TSC2: variants seen among roughly 807,000 people sequenced by gnomAD.
TSC2 encodes tuberin.
A neutral mutation model predicts 202.2 loss-of-function variants in TSC2; 29 were observed. That is an observed-to-expected ratio of 0.14 (90% CI 0.11 to 0.20). The LOEUF is 0.20. Among genes scored for constraint, TSC2 ranks in the 10% least tolerant of loss-of-function variants. The pLI, the probability that TSC2 is intolerant of heterozygous loss-of-function variation, is 1.00. For missense variants in TSC2, 2,429 were observed against 2,420.0 expected (o/e 1.00, Z -0.08); for synonymous variants, 1,349 against 1,044.0 (o/e 1.29, Z -5.63).
intron 31 of TSC2, 73 bp downstream of exon 31, chr16:2,081,871 C>T (rs1296757928): frequency 4.5e-6 from 7 of 1,561,682 alleles, no homozygotes; most frequent in Non-Finnish European, 6.1e-6. Context: ...GGCAATGTGG[C>T]TCCTCTCTGC....
chr16:2,082,429 C>T lies in TSC2; in HGVS notation c.3815-7C>T. On this transcript the variant is annotated splice_polypyrimidine_tract_variant and splice_region_variant and intron_variant, in intron 31 of 41. Coordinates refer to ENST00000219476, the MANE Select transcript of TSC2 (RefSeq NM_000548.5). ...CTGACGTGGCCGCACACGGCCTTCC[C>T]TTGCAGTGGCCTCTTTCTCCTCCCT... 6 of 1,612,548 alleles carry T rather than the reference C, an allele frequency of 3.7e-6. No homozygotes were observed. The highest frequency in any genetic ancestry group is 5.1e-6 in the Non-Finnish European group (6 of 1,180,004).
Position 2,080,142 on chromosome 16 carries a change from C to T in TSC2, c.3398-23C>T, listed in dbSNP as rs761931660. The T allele has an allele frequency of 1.1e-5, 17 of 1,612,494 alleles. No homozygotes were observed. In the East Asian group the frequency reaches 1.8e-4, roughly 17 times the overall value. On this transcript the variant is annotated intron_variant, in intron 29 of 41. Coordinates refer to ENST00000219476, the MANE Select transcript of TSC2 (RefSeq NM_000548.5). Reference sequence around the variant, plus strand: ...TTTGCATCAGGTAAGTGGTGGTCACCAGTCCTCTGCCCTCTTCTTCAGGGG... The same window carrying T: ...TTTGCATCAGGTAAGTGGTGGTCACTAGTCCTCTGCCCTCTTCTTCAGGGG...
Position 2,088,861 on chromosome 16 carries a change from ACACTCGCGCGTG to A in TSC2, c.*253_*264del, listed in dbSNP as rs1418488339. 32 of 552,060 alleles carry A rather than the reference ACACTCGCGCGTG, an allele frequency of 5.8e-5. No homozygotes were observed. The highest frequency in any genetic ancestry group is 9.6e-5 in the Non-Finnish European group (30 of 311,834). The allele number at this position is 552,060 out of a possible 1,614,324, so 34.2% of individuals were successfully genotyped here. A position where few individuals can be genotyped will look rare whatever the true frequency, so the allele number is the denominator to read the frequency against. Reference sequence around the variant, plus strand: ...CTTGAGGCTGCCTGGGCCATACAGCACACTCGCGCGTGCGCGCGCGCACACACACACACACAC... The same window carrying A: ...CTTGAGGCTGCCTGGGCCATACAGCACGCGCGCGCACACACACACACACAC... On this transcript the variant is annotated 3_prime_UTR_variant, in exon 42 of 42. Coordinates refer to ENST00000219476, the MANE Select transcript of TSC2 (RefSeq NM_000548.5).
rs1425163522 is a variant in TSC2 at position 2,048,704 on chromosome 16, C to T, written c.89C>T (p.Ser30Phe). The change falls in exon 2 of 42, where the codon TCT (serine) becomes TTT (phenylalanine). Residue 30 changes from serine to phenylalanine, a missense_variant. By Grantham distance (155) the Ser-to-Phe change is radical. Transcript: ENST00000219476. ...GGAACACCGAGGCCAAATCCCAGGT[C>T]TGCAGAGGGTAAACAGACGGAGTTT... ...GLGTPRPNPR[S>F]AEGKQTEFII... 1 of 1,614,066 alleles carries T rather than the reference C, an allele frequency of 6.2e-7. No homozygotes were observed. The highest frequency in any genetic ancestry group is 2.2e-5 in the East Asian group (1 of 44,884).
At chr16:2,063,561 G>A (rs776528777) in intron 14 of TSC2, 5 of 253,656 alleles carry the variant, frequency 2.0e-5, no homozygotes, top group South Asian at 9.4e-5. Context: ...CCCAGGAGGC[G>A]CAGCTTAGGC....
chr16:2,064,042 G>A (rs2086974074), intron 14 of TSC2: 10 of 639,608 alleles, frequency 1.6e-5, no homozygotes, highest in South Asian at 8.7e-5. Context: ...GTGCCCGGCC[G>A]CCCTGCGGTG....
intron 20 of TSC2, chr16:2,072,621 T>C: frequency 2.4e-6 from 2 of 817,668 alleles, no homozygotes; most frequent in South Asian, 1.8e-5. Context: ...CATCTGTGCT[T>C]TTCCTAAGTG....
chr16:2,083,298 T>A (rs1455481994), intron 32 of TSC2: 1 of 457,288 alleles, frequency 2.2e-6, no homozygotes. Context: ...AAACAGGGAC[T>A]TCCCCCACGT....
At chr16:2,070,969 GA>G (rs2088250631) in intron 17 of TSC2, among the ~76,000 whole-genome samples, 1 of 151,240 alleles carries the variant, frequency 6.6e-6, no homozygotes, top group African/African-American at 2.5e-5. Context: ...GGCAGGGCTG[GA>G]GAGGGCAGAG....
intron 37 of TSC2, among the ~76,000 whole-genome samples, 168 bp downstream of exon 37, chr16:2,086,547 G>A (rs935207303): frequency 1.3e-5 from 2 of 152,214 alleles, no homozygotes; most frequent in South Asian, 2.1e-4. Context: ...GCAGTGATGG[G>A]GCTGGTGGCT....
At chr16:2,081,221 G>T in intron 30 of TSC2, 1 of 366,212 alleles carries the variant, frequency 2.7e-6, no homozygotes, top group Non-Finnish European at 5.3e-6. Flanking sequence ...CCCCCGCAGA[G>T]GCCCAGAGCC....
At chr16:2,062,809 G>C in intron 13 of TSC2, 163 bp from the exon 14 acceptor site, 1 of 939,816 alleles carries the variant, frequency 1.1e-6, no homozygotes, top group Non-Finnish European at 1.6e-6. Flanking sequence ...CCCTCTTTTC[G>C]GGGGTCGTCT....
rs1485259586 is a variant in TSC2 at position 2,058,139 on chromosome 16, C to T, written c.849-608C>T. On this transcript the variant is annotated intron_variant, in intron 9 of 41. Coordinates refer to ENST00000219476, the MANE Select transcript of TSC2 (RefSeq NM_000548.5). ...GCCCTGCCTCAGCCCCTGCATCTCT[C>T]CCTCCCTCCTCCCGTAGAACCAGGC... Among the ~76,000 whole-genome samples the T allele has an allele frequency of 4.0e-5, 6 of 150,038 alleles. No individual in the cohort carries two copies. In the East Asian group the frequency reaches 1.2e-3, roughly 31 times the overall value.
In TSC2 at chr16:2,088,881, G is replaced by GCGCACACACACACACA. The variant is rs142285430; in HGVS notation, c.*272_*273insGCACACACACACACAC. ...ACAGCACACTCGCGCGTGCGCGCGCGCACACACACACACACACAGTCACCT... is the reference window on the plus strand; with the variant it reads ...ACAGCACACTCGCGCGTGCGCGCGCGCGCACACACACACACACACACACACACACACACAGTCACCT... On this transcript the variant is annotated 3_prime_UTR_variant, in exon 42 of 42. Transcript: ENST00000219476. 5 of 421,378 alleles carry GCGCACACACACACACA rather than the reference G, an allele frequency of 1.2e-5. No homozygotes were observed. The highest frequency in any genetic ancestry group is 6.7e-5 in the African/African-American group (3 of 44,578). 26.1% of individuals were successfully genotyped at this position (421,378 alleles called of 1,614,324 possible). A position where few individuals can be genotyped will look rare whatever the true frequency, so the allele number is the denominator to read the frequency against.
chr16:2,050,227 G>T (rs1396298115), intron 2 of TSC2, among the ~76,000 whole-genome samples, 173 bp from the exon 3 acceptor site: 1 of 152,176 alleles, frequency 6.6e-6, no homozygotes, highest in Non-Finnish European at 1.5e-5. Context: ...AAAGTGCAGG[G>T]ATTACAGGCC....
In TSC2 at chr16:2,065,572, C is replaced by G. The variant is rs202171361; in HGVS notation, c.1653C>G (p.Ala551=). ...PPPELEERDV[A]AYSASLEDVK... ...CGGAGCTGGAAGAAAGGGATGTGGC[C>G]GCATACTCGGCCTCCTTGGAGGATG... Residue 551 remains alanine, a synonymous_variant, in exon 16 of 42, where the codon GCC becomes GCG. Coordinates refer to ENST00000219476, the MANE Select transcript of TSC2 (RefSeq NM_000548.5). 4 of 1,613,876 alleles carry G rather than the reference C, an allele frequency of 2.5e-6. No individual in the cohort carries two copies. The highest frequency in any genetic ancestry group is 3.4e-6 in the Non-Finnish European group (4 of 1,180,028).
At chr16:2,076,733 C>A in intron 25 of TSC2, 148 bp downstream of exon 25, 1 of 788,404 alleles carries the variant, frequency 1.3e-6, no homozygotes, top group Non-Finnish European at 2.1e-6. Context: ...CCTGCAAGGG[C>A]CGCTAACACC....
chr16:2,070,877 G>C (rs1271432210), intron 17 of TSC2, among the ~76,000 whole-genome samples: 1 of 152,214 alleles, frequency 6.6e-6, no homozygotes, highest in Non-Finnish European at 1.5e-5. Flanking sequence ...TGGTGCTGCA[G>C]AATCTGTGAA....
In TSC2 at chr16:2,061,912, G is replaced by C. The variant is rs781336082; in HGVS notation, c.1161G>C (p.Leu387=). ...AGCTCAGGACCATCGTCCATGACCTGTTGACCACGGTGGAGGAGCTGTGTG... is the reference window on the plus strand; with the variant it reads ...AGCTCAGGACCATCGTCCATGACCTCTTGACCACGGTGGAGGAGCTGTGTG... The part of the protein sequence containing the change: ...SPELRTIVHD[L]LTTVEELCDQ... Residue 387 remains leucine, a synonymous_variant, in exon 12 of 42, where the codon CTG becomes CTC. Coordinates refer to ENST00000219476, the MANE Select transcript of TSC2 (RefSeq NM_000548.5). 1 of 1,614,208 alleles carries C rather than the reference G, an allele frequency of 6.2e-7. No homozygotes were observed. Among genetic ancestry groups the C allele is most frequent in the Admixed American group, 1.7e-5 (1 of 60,026 alleles).
Sources: gnomAD v4.1 joint callset for allele counts (sites outside exome capture counted in the v4.1 genomes callset) on GRCh38, gnomAD v4.1.1 for gene constraint, MANE v1.5 for transcripts, NCBI Gene and HGNC (gene_info 2026-07-23, HGNC 2026-07-21) for gene names.